The following PPP2R5A variants were observed in gnomAD, a reference collection of about 807,000 sequenced individuals.
The protein encoded by PPP2R5A is serine/threonine-protein phosphatase 2A 56 kDa regulatory subunit alpha isoform.
A neutral mutation model predicts 64.2 loss-of-function variants in PPP2R5A; 25 were observed. The observed-to-expected ratio is 0.39, with a 90% CI of 0.28 to 0.54. PPP2R5A has a LOEUF of 0.54. Ranked by LOEUF, PPP2R5A falls within the 20% of genes least tolerant of loss-of-function variation. The pLI, the probability that PPP2R5A is intolerant of heterozygous loss-of-function variation, is 0.67. For missense variants in PPP2R5A, 425 were observed against 576.3 expected, an observed-to-expected ratio of 0.74 and a Z score of 2.69; for synonymous variants, 198 against 201.2, an observed-to-expected ratio of 0.98 and a Z score of 0.13.
chr1:212,351,966 CTTT>C (rs983376432), intron 8 of PPP2R5A, among the ~76,000 whole-genome samples: 5 of 141,368 alleles, frequency 3.5e-5, no homozygotes, highest in Non-Finnish European at 8.0e-5. Context: ...TTTTATTTTT[CTTT>C]TTTATTTTAT....
At chr1:212,351,952 ATTTTT>A (rs898548766) in intron 8 of PPP2R5A, among the ~76,000 whole-genome samples, 1 of 147,930 alleles carries the variant, frequency 6.8e-6, no homozygotes, top group African/African-American at 2.5e-5. Context: ...CCCCAAAATA[ATTTTT>A]TTATTTTTCT....
intron 6 of PPP2R5A, 42 bp from the exon 7 acceptor site, chr1:212,348,347 T>C: frequency 7.9e-7 from 1 of 1,259,638 alleles, no homozygotes; most frequent in East Asian, 2.3e-5. Flanking sequence ...AGAAACAAAG[T>C]AGTAACTACT....
chr1:212,331,965 A>G (rs1659513020), intron 2 of PPP2R5A, among the ~76,000 whole-genome samples: 2 of 152,290 alleles, frequency 1.3e-5, no homozygotes, highest in African/African-American at 4.8e-5. Context: ...GCTCTTCTGA[A>G]TATTTGTTAT....
At chr1:212,297,473 A>G (rs1378761707) in intron 1 of PPP2R5A, 4 of 152,146 alleles carry the variant, frequency 2.6e-5, no homozygotes, top group Non-Finnish European at 5.9e-5. Flanking sequence ...GTGAGTGGAA[A>G]TTGTAGAAGC....
intron 8 of PPP2R5A, chr1:212,352,883 C>CTGTCAT: frequency 1.9e-6 from 1 of 519,200 alleles, no homozygotes; most frequent in Non-Finnish European, 3.8e-6. Flanking sequence ...CCAAGAGTGA[C>CTGTCAT]AGTTTTCCTT....
intron 3 of PPP2R5A, 31 bp from the exon 4 acceptor site, chr1:212,342,157 A>C (rs779636169): frequency 4.3e-6 from 7 of 1,609,246 alleles, no homozygotes; most frequent in Non-Finnish European, 5.9e-6. Flanking sequence ...TGTAGCCATC[A>C]TCTTAGCCTT....
chr1:212,337,446 T>A (rs1659609441), intron 3 of PPP2R5A, among the ~76,000 whole-genome samples: 1 of 152,106 alleles, frequency 6.6e-6, no homozygotes, highest in African/African-American at 2.4e-5. Context: ...TTAGAAGGCT[T>A]TTCTCTCTGG....
At chr1:212,311,964 G>A (rs770552611) in intron 1 of PPP2R5A, among the ~76,000 whole-genome samples, 7 of 152,106 alleles carry the variant, frequency 4.6e-5, no homozygotes, top group Admixed American at 2.0e-4. Context: ...TAAATATACC[G>A]TTTATAAAGT....
intron 3 of PPP2R5A, among the ~76,000 whole-genome samples, chr1:212,339,895 T>C (rs1247562887): frequency 6.6e-6 from 1 of 150,622 alleles, no homozygotes; most frequent in East Asian, 2.0e-4. Context: ...TCCCACCTTA[T>C]GGTGGAATCT....
At chr1:212,304,634 G>A (rs1007275722) in intron 1 of PPP2R5A, among the ~76,000 whole-genome samples, 1 of 151,784 alleles carries the variant, frequency 6.6e-6, no homozygotes, top group African/African-American at 2.4e-5. Flanking sequence ...ATAATAGTAT[G>A]CTGTGGCCTC....
At chr1:212,313,926 C>T (rs1659094803) in intron 1 of PPP2R5A, 1 of 152,098 alleles carries the variant, frequency 6.6e-6, no homozygotes. Flanking sequence ...ACCAAAATAC[C>T]CTATTGAGAA....
intron 1 of PPP2R5A, among the ~76,000 whole-genome samples, chr1:212,312,265 A>T (rs351381): frequency 0.95 from 145,247 of 152,284 alleles, 69,343 homozygotes; most frequent in East Asian, 1. Context: ...GTTTGTGTAA[A>T]ACATTCTGAT....
intron 1 of PPP2R5A, among the ~76,000 whole-genome samples, chr1:212,288,941 CAA>C (rs1161403043): frequency 1.3e-5 from 2 of 152,146 alleles, no homozygotes; most frequent in African/African-American, 4.8e-5. Context: ...TAAGGATTAA[CAA>C]AATAATCCAG....
chr1:212,322,136 C>G (rs910226084), intron 1 of PPP2R5A, among the ~76,000 whole-genome samples: 5 of 150,488 alleles, frequency 3.3e-5, no homozygotes, highest in Non-Finnish European at 7.4e-5. Context: ...GAGATGGCAG[C>G]AGTACAGTCC....
chr1:212,305,034 A>AGTT (rs1391365966), intron 1 of PPP2R5A, among the ~76,000 whole-genome samples: 1 of 123,924 alleles, frequency 8.1e-6, no homozygotes, highest in African/African-American at 4.0e-5. Flanking sequence ...CCCGGCCCCC[A>AGTT]ATTTTTTTTT....
intron 1 of PPP2R5A, 89 bp from the exon 2 acceptor site, chr1:212,329,046 T>C: frequency 1.0e-6 from 1 of 992,402 alleles, no homozygotes; most frequent in Non-Finnish European, 1.4e-6. Context: ...AAGTTTTACA[T>C]ATGTGAATAG....
chr1:212,288,554 T>C (rs1464580702), intron 1 of PPP2R5A, among the ~76,000 whole-genome samples: 1 of 152,194 alleles, frequency 6.6e-6, no homozygotes, highest in East Asian at 1.9e-4. Context: ...ATAAGACCCT[T>C]ACTTGGATTA....
At chr1:212,306,357 GA>G (rs1275514280) in intron 1 of PPP2R5A, among the ~76,000 whole-genome samples, 1 of 140,730 alleles carries the variant, frequency 7.1e-6, no homozygotes, top group African/African-American at 2.7e-5. Flanking sequence ...GAGAAGAATG[GA>G]GGGGGGGTAA....
At chr1:212,331,394 C>T (rs1659502772) in intron 2 of PPP2R5A, 1 of 149,678 alleles carries the variant, frequency 6.7e-6, no homozygotes, top group Non-Finnish European at 1.5e-5. Context: ...GTCTCAAACT[C>T]CTGACCTCAA....
Sources: gnomAD v4.1 joint callset for allele counts (sites outside exome capture counted in the v4.1 genomes callset) on GRCh38, gnomAD v4.1.1 for gene constraint, MANE v1.5 for transcripts, NCBI Gene and HGNC (gene_info 2026-07-23, HGNC 2026-07-21) for gene names.